ATP6AP1: variants seen among roughly 807,000 people sequenced by gnomAD.
ATP6AP1 encodes the protein V-type proton ATPase subunit S1.
ATP6AP1 carries 1 observed loss-of-function variant against 32.0 expected under a neutral mutation model. The observed-to-expected ratio is 0.03, with a 90% CI of 0.01 to 0.15. ATP6AP1 has a LOEUF of 0.15. ATP6AP1 is among the 10% of genes least tolerant of loss of function. The pLI is 1.00. For synonymous variants in ATP6AP1, 187 were observed against 174.9 expected (o/e 1.07, Z -0.55); for missense variants, 297 against 398.8 (o/e 0.74, Z 2.17).
At chrX:154,431,314 C>T (rs1396041821) in intron 2 of ATP6AP1, 3 of 117,083 alleles carry the variant, frequency 2.6e-5, no homozygotes, top group African/African-American at 1.1e-4. Flanking sequence ...CACTGTGGTC[C>T]TAAGAGCTCA....
intron 2 of ATP6AP1, chrX:154,430,701 G>A (rs782392507): frequency 2.7e-5 from 3 of 111,642 alleles, no homozygotes; most frequent in Non-Finnish European, 3.8e-5. Flanking sequence ...GAGTGACTGG[G>A]ATGCTATTTT....
rs2068680686 is a variant in ATP6AP1 at position 154,429,097 on chromosome X, G to A, written c.211G>A (p.Asp71Asn). Residue 71 changes from aspartate (D) to asparagine (N), a missense_variant, in exon 2 of 10, where the codon GAC becomes AAC. Transcript: ENST00000369762. ...ADTHEGHITSDLQLSTYLDPA... is the reference protein window; with the variant it reads ...ADTHEGHITSNLQLSTYLDPA... ...CACTCATGAAGGCCACATCACCAGCGACTTGCAGCTCTCTACCTACTTAGA... is the reference window on the plus strand; with the variant it reads ...CACTCATGAAGGCCACATCACCAGCAACTTGCAGCTCTCTACCTACTTAGA... 8.3e-7 allele frequency: 1 copy of A among 1,211,770 alleles called. No homozygotes were observed. The highest frequency in any genetic ancestry group is 1.1e-6 in the Non-Finnish European group (1 of 895,472).
In ATP6AP1 at chrX:154,428,737, G is replaced by A. The variant is rs28497482; in HGVS notation, c.45G>A (p.Arg15=). The change falls in exon 1 of 10, where the codon CGG becomes CGA. Residue 15 remains arginine (R), a synonymous_variant. Transcript: ENST00000369762. ...MATARVRMGP[R]CAQALWRMPW... is the part of the protein sequence containing the mutation. ...CGGCTCGAGTGCGGATGGGGCCGCG[G>A]TGCGCCCAGGCGCTCTGGCGCATGC... is the stretch of plus-strand genomic sequence containing the variant. The A allele has an allele frequency of 0.11, 130,338 of 1,146,269 alleles. 5,214 individuals carry two copies. Among genetic ancestry groups the A allele is most frequent in the South Asian group, 0.17 (8,624 of 51,856 alleles). 94.5% of individuals were successfully genotyped at this position (1,146,269 alleles called of 1,213,427 possible).
In ATP6AP1 at chrX:154,429,090, C is replaced by T; in HGVS notation, c.204C>T (p.Ile68=). 1 of 1,211,986 alleles carries T rather than the reference C, an allele frequency of 8.3e-7. No homozygotes were observed. Among genetic ancestry groups the T allele is most frequent in the Non-Finnish European group, 1.1e-6 (1 of 895,508 alleles). Residue 68 remains isoleucine (I), a synonymous_variant, in exon 2 of 10, where the codon ATC becomes ATT. Coordinates refer to ENST00000369762, the MANE Select transcript of ATP6AP1 (RefSeq NM_001183.6). ...APAADTHEGH[I]TSDLQLSTYL... ...CGGCCGACACTCATGAAGGCCACATCACCAGCGACTTGCAGCTCTCTACCT... is the reference window on the plus strand; with the variant it reads ...CGGCCGACACTCATGAAGGCCACATTACCAGCGACTTGCAGCTCTCTACCT...
At position 154,432,464 on chromosome X, in the gene ATP6AP1, T is replaced by C. The variant is rs1557196989; in HGVS notation, c.557+5T>C. On this transcript the variant is annotated splice_donor_5th_base_variant and intron_variant, in intron 4 of 9. Transcript: ENST00000369762. ...TCGCCTGCCCTACACAGCCAGGTACTGCCCGCATGGCCCAGCCACCAGCCT... is the reference window on the plus strand; with the variant it reads ...TCGCCTGCCCTACACAGCCAGGTACCGCCCGCATGGCCCAGCCACCAGCCT... 4 of 1,168,294 alleles carry C rather than the reference T, an allele frequency of 3.4e-6. No individual in the cohort carries two copies. Among genetic ancestry groups the C allele is most frequent in the Admixed American group, 2.5e-5 (1 of 40,168 alleles).
At position 154,436,196 on chromosome X, in the gene ATP6AP1, C is replaced by T; in HGVS notation, c.*305C>T. On this transcript the variant is annotated 3_prime_UTR_variant, in exon 10 of 10. Transcript: ENST00000369762. ...TTCTCCTTATTTATTCTTGTGGCTA[C>T]ATCATCCCTGGCTGTGGATAGTGCT... 1 of 329,904 alleles carries T rather than the reference C, an allele frequency of 3.0e-6. No homozygotes were observed. The allele number at this position is 329,904 out of a possible 1,213,427, so 27.2% of individuals were successfully genotyped here. A position where few individuals can be genotyped will look rare whatever the true frequency, so the allele number is the denominator to read the frequency against.
intron 2 of ATP6AP1, chrX:154,431,404 G>A (rs1328913064): frequency 7.2e-6 from 1 of 139,622 alleles, no homozygotes; most frequent in African/African-American, 3.2e-5. Flanking sequence ...CAGGTGGGGG[G>A]AGGGTCCCGT....
Position 154,428,787 on chromosome X carries a change from TGGCGGC to T in ATP6AP1, c.111_116del (p.Ala40_Ala41del), listed in dbSNP as rs781797236. The T allele has an allele frequency of 2.9e-5, 33 of 1,124,664 alleles. No individual in the cohort carries two copies. The highest frequency in any genetic ancestry group is 3.6e-5 in the Non-Finnish European group (31 of 860,074). The allele number at this position is 1,124,664 out of a possible 1,213,427, so 92.7% of individuals were successfully genotyped here. A position where few individuals can be genotyped will look rare whatever the true frequency, so the allele number is the denominator to read the frequency against. On this transcript the variant is annotated inframe_deletion, in exon 1 of 10. Transcript: ENST00000369762. ...CCGTGGCTGCCGGTGTTTTTGTCGT[TGGCGGC>T]GGCGGCGGCGGCGGCAGCGGCGGAG... is the stretch of plus-strand genomic sequence containing the variant.
rs1557197561 is a variant in ATP6AP1 at position 154,435,664 on chromosome X, T to G, written c.1204-18T>G. The G allele has an allele frequency of 2.5e-6, 3 of 1,209,414 alleles. No homozygotes were observed. The Admixed American group carries it at 6.5e-5, about 26-fold the overall frequency. On this transcript the variant is annotated intron_variant, in intron 9 of 9. Transcript: ENST00000369762. ...CCTCCCAACGGTCCTTTCTGACCCG[T>G]GTCTGTGTGTCTGCCAGATCCAGGC... is the stretch of plus-strand genomic sequence containing the variant.
intron 7 of ATP6AP1, 142 bp from the exon 8 acceptor site, chrX:154,434,997 G>A: frequency 1.6e-6 from 1 of 644,216 alleles, no homozygotes; most frequent in Non-Finnish European, 2.4e-6. Context: ...TTTCCTATCT[G>A]TCAAGTGGGG....
In ATP6AP1 at chrX:154,428,950, A is replaced by G. The variant is rs2068679623; in HGVS notation, c.161+97A>G. The G allele has an allele frequency of 5.2e-6, 6 of 1,154,289 alleles. No homozygotes were observed. The African/African-American group carries it at 7.2e-5, about 14-fold the overall frequency. The stretch of plus-strand genomic sequence containing the variant: ...GAGGGGTGGTGAGGCCCGGAGGTGG[A>G]CTGTTCCTTGCTCGGGGGCTCGCAG... On this transcript the variant is annotated intron_variant, in intron 1 of 9. Coordinates refer to ENST00000369762, the MANE Select transcript of ATP6AP1 (RefSeq NM_001183.6).
chrX:154,432,342 A>T lies in ATP6AP1; in HGVS notation c.440A>T (p.Tyr147Phe). 8.3e-7 allele frequency: 1 copy of T among 1,211,893 alleles called. No homozygotes were observed. Among genetic ancestry groups the T allele is most frequent in the Non-Finnish European group, 1.1e-6 (1 of 895,473 alleles). The change falls in exon 4 of 10, where the codon TAC becomes TTC. Residue 147 changes from tyrosine (Y) to phenylalanine (F), a missense_variant. By Grantham distance (22) the Tyr-to-Phe change is conservative. Around this residue, in one of 2 missense-constraint regions of ATP6AP1, gnomAD observed 142 missense variants for 145.0 expected, o/e 0.98. Transcript: ENST00000369762. ...DWYAVSTLTT[Y>F]LQEKLGASPL... ...TATGCAGTCAGCACTCTGACCACTT[A>T]CCTGCAGGAGAAGCTCGGGGCCAGC...
chrX:154,435,400 C>T lies in ATP6AP1; in HGVS notation c.1098C>T (p.Ile366=). ...CTTCCCAGGTCACAGGGCCCAGCATCTACTCCTTCCACTGCGAGTATGTCA... is the reference window on the plus strand; with the variant it reads ...CTTCCCAGGTCACAGGGCCCAGCATTTACTCCTTCCACTGCGAGTATGTCA... The part of the protein sequence containing the change: ...FNASQVTGPS[I]YSFHCEYVSS... Residue 366 remains isoleucine (I), a synonymous_variant, in exon 9 of 10, where the codon ATC becomes ATT. Transcript: ENST00000369762. 2.5e-6 allele frequency: 3 copies of T among 1,212,319 alleles called. No individual in the cohort carries two copies. Among genetic ancestry groups the T allele is most frequent in the Non-Finnish European group, 3.3e-6 (3 of 895,648 alleles).
At position 154,432,974 on chromosome X, in the gene ATP6AP1, GAGT is replaced by G; in HGVS notation, c.598+6_598+8del. 1 of 1,211,268 alleles carries G rather than the reference GAGT, an allele frequency of 8.3e-7. No homozygotes were observed. Among genetic ancestry groups the G allele is most frequent in the African/African-American group, 1.7e-5 (1 of 57,831 alleles). Reference sequence around the variant, plus strand: ...CAGGGAAGTCCTCACAGGCAACGGTGAGTAGAATCAGGGAGGATGCACGTCCTC... The same window carrying G: ...CAGGGAAGTCCTCACAGGCAACGGTGAGAATCAGGGAGGATGCACGTCCTC... On this transcript the variant is annotated splice_donor_5th_base_variant and intron_variant, in intron 5 of 9. Coordinates refer to ENST00000369762, the MANE Select transcript of ATP6AP1 (RefSeq NM_001183.6).
At chrX:154,433,834 G>A (rs1240489993) in intron 6 of ATP6AP1, 114 bp downstream of exon 6, 1 of 784,231 alleles carries the variant, frequency 1.3e-6, no homozygotes, top group Non-Finnish European at 1.8e-6. Flanking sequence ...GCCCAGCATA[G>A]GGGAAGCATG....
Position 154,428,712 on chromosome X carries a change from C to A in ATP6AP1, c.20C>A (p.Thr7Lys). 6.1e-6 allele frequency: 7 copies of A among 1,150,163 alleles called. No homozygotes were observed. Among genetic ancestry groups the A allele is most frequent in the Non-Finnish European group, 6.9e-6 (6 of 868,672 alleles). The allele number at this position is 1,150,163 out of a possible 1,213,427, so 94.8% of individuals were successfully genotyped here. Reference sequence around the variant, plus strand: ...GAGGCTATGATGGCGGCCATGGCGACGGCTCGAGTGCGGATGGGGCCGCGG... The same window carrying A: ...GAGGCTATGATGGCGGCCATGGCGAAGGCTCGAGTGCGGATGGGGCCGCGG... MMAAMA[T>K]ARVRMGPRCA... The change falls in exon 1 of 10, where the codon ACG becomes AAG. Residue 7 changes from threonine to lysine, a missense_variant. Thr to Lys is a moderately conservative substitution (Grantham distance 78). Coordinates refer to ENST00000369762, the MANE Select transcript of ATP6AP1 (RefSeq NM_001183.6).
intron 7 of ATP6AP1, among the ~76,000 whole-genome samples, chrX:154,434,901 G>C (rs1476488447): frequency 8.9e-6 from 1 of 111,799 alleles, no homozygotes; most frequent in East Asian, 2.8e-4. Context: ...GGAACCAGAG[G>C]AAGGACCCCC....
chrX:154,434,168 C>T (rs1557197268), intron 6 of ATP6AP1, 40 bp from the exon 7 acceptor site: 1 of 1,180,133 alleles, frequency 8.5e-7, no homozygotes, highest in South Asian at 1.8e-5. Context: ...TGACACTCTC[C>T]CAGGGCTGCT....
rs782636392 is a variant in ATP6AP1 at position 154,435,783 on chromosome X, C to T, written c.1305C>T (p.Phe435=). The T allele has an allele frequency of 5.8e-6, 7 of 1,210,145 alleles. No individual in the cohort carries two copies. Among genetic ancestry groups the T allele is most frequent in the Non-Finnish European group, 7.8e-6 (7 of 895,103 alleles). The change falls in exon 10 of 10, where the codon TTC becomes TTT. Residue 435 remains phenylalanine (F), a synonymous_variant. Transcript: ENST00000369762. ...GIWMGLLTSL[F]MLFIFTYGLH... Reference sequence around the variant, plus strand: ...GGATGGGGCTGCTCACCTCCCTGTTCATGCTCTTCATCTTCACCTATGGCC... The same window carrying T: ...GGATGGGGCTGCTCACCTCCCTGTTTATGCTCTTCATCTTCACCTATGGCC...
Sources: allele counts gnomAD v4.1 joint callset (sites outside exome capture counted in the v4.1 genomes callset), GRCh38; gene constraint gnomAD v4.1.1; regional missense constraint gnomAD v4.1.1; transcripts MANE v1.5; gene names NCBI Gene and HGNC (gene_info 2026-07-23, HGNC 2026-07-21).